The following SNTG2 variants were observed in gnomAD, a reference collection of about 807,000 sequenced individuals.
SNTG2 encodes the protein syntrophin gamma 2, also known as gamma-2-syntrophin.
SNTG2 carries 74 observed loss-of-function variants against 70.9 expected under a neutral mutation model. The ratio of observed to expected loss-of-function variants is 1.04; its 90% confidence interval spans 0.86 to 1.27. The LOEUF is 1.27. Ranked by LOEUF, SNTG2 falls within the 50% of genes most tolerant of loss-of-function variation. The probability of loss-of-function intolerance (pLI) is 0.00; values close to 1 mark genes in which losing one functional copy is unlikely to be tolerated. For missense variants in SNTG2, 717 were observed against 690.7 expected, an observed-to-expected ratio of 1.04 and a Z score of -0.43; for synonymous variants, 278 against 273.8, an observed-to-expected ratio of 1.02 and a Z score of -0.15.
intron 4 of SNTG2, among the ~76,000 whole-genome samples, chr2:1,102,373 G>T (rs1169668455): frequency 2.0e-5 from 3 of 152,196 alleles, no homozygotes; most frequent in Non-Finnish European, 2.9e-5. Context: ...AGTGCAGGGT[G>T]CAGGAGGGGC....
At chr2:1,279,597 T>A (rs983238718) in intron 14 of SNTG2, among the ~76,000 whole-genome samples, 7 of 152,236 alleles carry the variant, frequency 4.6e-5, no homozygotes, top group African/African-American at 1.7e-4. Flanking sequence ...TTTGTGCTGT[T>A]TTTTTGTAAC....
chr2:953,949 T>C (rs546561953), intron 1 of SNTG2, among the ~76,000 whole-genome samples: 1 of 152,046 alleles, frequency 6.6e-6, no homozygotes, highest in South Asian at 2.1e-4. Context: ...TCTGAGTGAG[T>C]TGGCAGAGGG....
At chr2:1,214,400 T>C (rs1674240513) in intron 9 of SNTG2, among the ~76,000 whole-genome samples, 5 of 152,192 alleles carry the variant, frequency 3.3e-5, no homozygotes. Flanking sequence ...CTTTCCATTT[T>C]TGTGTGTCAT....
At chr2:1,144,635 C>T (rs1340328985) in intron 6 of SNTG2, among the ~76,000 whole-genome samples, 1 of 152,166 alleles carries the variant, frequency 6.6e-6, no homozygotes, top group African/African-American at 2.4e-5. Context: ...GCGAAAGGCA[C>T]ATCTTACATG....
chr2:1,072,244 A>G (rs550915892), intron 1 of SNTG2, among the ~76,000 whole-genome samples: 2 of 152,036 alleles, frequency 1.3e-5, no homozygotes, highest in South Asian at 4.2e-4. Flanking sequence ...TGAATTTTCA[A>G]AGGACAAGCT....
intron 14 of SNTG2, among the ~76,000 whole-genome samples, chr2:1,278,441 T>A: frequency 6.6e-6 from 1 of 152,228 alleles, no homozygotes; most frequent in East Asian, 1.9e-4. Flanking sequence ...TACCTGACCA[T>A]GTCAGTTACT....
At chr2:1,332,594 C>G (rs1659592131) in intron 16 of SNTG2, among the ~76,000 whole-genome samples, 1 of 152,056 alleles carries the variant, frequency 6.6e-6, no homozygotes, top group Admixed American at 6.5e-5. Context: ...AACAGCATAT[C>G]AAATAGATAA....
At chr2:1,220,249 A>C (rs1674663480) in intron 9 of SNTG2, among the ~76,000 whole-genome samples, 1 of 152,232 alleles carries the variant, frequency 6.6e-6, no homozygotes, top group Admixed American at 6.5e-5. Flanking sequence ...GGTTCTAGGA[A>C]GGGCCAGGAG....
In SNTG2 at chr2:1,283,802, C is replaced by T. The variant is rs572854394; in HGVS notation, c.1284+16231C>T. On this transcript the variant is annotated intron_variant, in intron 14 of 16. Coordinates refer to ENST00000308624, the MANE Select transcript of SNTG2 (RefSeq NM_018968.4). ...CTCAGCAACTGTGGAGGCGGCTTTT[C>T]CTGAATTAAAGCGAGTCTTGGGCAT... is the stretch of plus-strand genomic sequence containing the variant. Among the ~76,000 whole-genome samples the T allele has an allele frequency of 9.2e-5, 14 of 152,272 alleles. 1 individual carries two copies. Among genetic ancestry groups the T allele is most frequent in the Middle Eastern group, 3.4e-3 (1 of 294 alleles).
chr2:1,167,067 G>A (rs1054787395), intron 7 of SNTG2, among the ~76,000 whole-genome samples: 1 of 152,218 alleles, frequency 6.6e-6, no homozygotes, highest in South Asian at 2.1e-4. Flanking sequence ...CAAGAACCCC[G>A]GGATACAGAA....
intron 1 of SNTG2, among the ~76,000 whole-genome samples, chr2:1,069,021 G>A (rs1016677014): frequency 1.3e-5 from 2 of 152,210 alleles, no homozygotes; most frequent in Non-Finnish European, 2.9e-5. Context: ...GACGGAATTT[G>A]TAATAACATC....
At chr2:1,257,823 T>C (rs1165612466) in intron 12 of SNTG2, among the ~76,000 whole-genome samples, 4 of 152,314 alleles carry the variant, frequency 2.6e-5, no homozygotes, top group African/African-American at 9.6e-5. Flanking sequence ...CTGAATAACA[T>C]TTAATGACAT....
At chr2:1,051,060 A>G (rs1662028929) in intron 1 of SNTG2, among the ~76,000 whole-genome samples, 1 of 152,166 alleles carries the variant, frequency 6.6e-6, no homozygotes. Context: ...TCACATGCGT[A>G]GATACTTTTG....
chr2:1,116,790 G>C (rs1223783474), intron 4 of SNTG2, among the ~76,000 whole-genome samples: 1 of 143,974 alleles, frequency 6.9e-6, no homozygotes, highest in Non-Finnish European at 1.5e-5. Flanking sequence ...GCTCTGGTGT[G>C]TGGGTGCCCT....
At chr2:1,082,886 CTTT>C (rs1025606639) in intron 1 of SNTG2, among the ~76,000 whole-genome samples, 3 of 152,186 alleles carry the variant, frequency 2.0e-5, no homozygotes, top group African/African-American at 7.2e-5. Flanking sequence ...GATTTATCTT[CTTT>C]GACTAATTAA....
intron 4 of SNTG2, among the ~76,000 whole-genome samples, chr2:1,125,723 A>C (rs1023325539): frequency 7.2e-6 from 1 of 139,176 alleles, no homozygotes; most frequent in African/African-American, 2.4e-5. Flanking sequence ...TTTATTCTCA[A>C]TTGAGAAACT....
intron 1 of SNTG2, among the ~76,000 whole-genome samples, chr2:974,866 A>C (rs548635189): frequency 6.6e-6 from 1 of 152,190 alleles, no homozygotes. Context: ...GGTAGACACT[A>C]TGCCTTCTCA....
intron 11 of SNTG2, among the ~76,000 whole-genome samples, chr2:1,244,733 A>G (rs1451846096): frequency 2.7e-5 from 4 of 150,840 alleles, no homozygotes; most frequent in Admixed American, 2.6e-4. Context: ...GCAATAATTT[A>G]GAACTCAGGC....
chr2:1,228,103 T>C (rs1362181951), intron 9 of SNTG2, among the ~76,000 whole-genome samples: 1 of 152,190 alleles, frequency 6.6e-6, no homozygotes. Flanking sequence ...ATGTCTCAGA[T>C]CTCAGCTAGT....
Sources: allele counts gnomAD v4.1 joint callset (sites outside exome capture counted in the v4.1 genomes callset), GRCh38; gene constraint gnomAD v4.1.1; transcripts MANE v1.5; gene names NCBI Gene and HGNC (gene_info 2026-07-23, HGNC 2026-07-21).